The following NBPF26 variants were observed in gnomAD, a reference collection of about 807,000 sequenced individuals.
NBPF26 encodes NBPF member 26.
Under a neutral mutation model 119.6 loss-of-function variants are expected in NBPF26, and 79 were observed. That is an observed-to-expected ratio of 0.66 (90% CI 0.55 to 0.80). NBPF26 has a LOEUF of 0.80. NBPF26 is among the 30% of genes least tolerant of loss of function. The pLI, the probability that NBPF26 is intolerant of heterozygous loss-of-function variation, is 0.00. For synonymous variants in NBPF26, 299 were observed against 457.7 expected, an observed-to-expected ratio of 0.65 and a Z score of 4.43; for missense variants, 800 against 1,198.2, an observed-to-expected ratio of 0.67 and a Z score of 4.91.
At chr1:120,801,907 G>A (rs1651587403) in intron 4 of NBPF26, among the ~76,000 whole-genome samples, 1 of 106,866 alleles carries the variant, frequency 9.4e-6, no homozygotes, top group South Asian at 2.8e-4. Flanking sequence ...CATGTTGTGA[G>A]GAAATGTATT....
At position 120,811,119 on chromosome 1, in the gene NBPF26, G is replaced by T. The variant is rs1651852875; in HGVS notation, c.1564+561G>T. ...AAAAATTAGCTGGGTGTGGTGGTGG[G>T]TGCCTGTAGTCCCAGCTACTCAGGA... On this transcript the variant is annotated intron_variant, in intron 9 of 29. Transcript: ENST00000620612. 6.6e-5 allele frequency among the ~76,000 whole-genome samples: 7 copies of T among 106,446 alleles called. 2 individuals are homozygous for T. 69.8% of individuals were successfully genotyped at this position (106,446 alleles called of 152,430 possible).
At chr1:120,760,349 A>T in intron 1 of NBPF26, among the ~76,000 whole-genome samples, 1 of 109,534 alleles carries the variant, frequency 9.1e-6, no homozygotes. Flanking sequence ...TAATTTTTGT[A>T]CTTTTAGTAG....
At position 120,811,619 on chromosome 1, in the gene NBPF26, G is replaced by T. The variant is rs1191240298; in HGVS notation, c.1565-267G>T. Among the ~76,000 whole-genome samples, 2 of 113,340 alleles carry T rather than the reference G, an allele frequency of 1.8e-5. 1 individual carries two copies. Among genetic ancestry groups the T allele is most frequent in the African/African-American group, 1.0e-4 (2 of 19,752 alleles). 74.4% of individuals were successfully genotyped at this position (113,340 alleles called of 152,430 possible). ...TACACAGAAACATTGGCCACTCATG[G>T]GGTAAAAATCTCAGGGCCAAGCCTT... On this transcript the variant is annotated intron_variant, in intron 9 of 29. Transcript: ENST00000620612.
Position 120,767,461 on chromosome 1 carries a change from AC to A in NBPF26, c.155+3753del, listed in dbSNP as rs1651206795. Among the ~76,000 whole-genome samples the A allele has an allele frequency of 4.4e-5, 3 of 67,556 alleles. 1 individual carries two copies. The highest frequency in any genetic ancestry group is 3.9e-4 in the African/African-American group (3 of 7,690). 44.3% of individuals were successfully genotyped at this position (67,556 alleles called of 152,430 possible). A position where few individuals can be genotyped will look rare whatever the true frequency, so the allele number is the denominator to read the frequency against. ...ATCACATTGACAGATGAAGATAACTACTTTTGAAGATTAGTTTTGTACTCAG... is the reference window on the plus strand; with the variant it reads ...ATCACATTGACAGATGAAGATAACTATTTTGAAGATTAGTTTTGTACTCAG... On this transcript the variant is annotated intron_variant, in intron 2 of 29. Transcript: ENST00000620612.
Position 120,807,837 on chromosome 1 carries a change from C to T in NBPF26, c.1064+128C>T, listed in dbSNP as rs1409983004. Reference sequence around the variant, plus strand: ...GGCAGGAATTGCCATGGCAGGCTCGCTACACACAAATATTTATCAAACAGA... The same window carrying T: ...GGCAGGAATTGCCATGGCAGGCTCGTTACACACAAATATTTATCAAACAGA... On this transcript the variant is annotated intron_variant, in intron 6 of 29. Transcript: ENST00000620612. The T allele has an allele frequency of 6.3e-4, 336 of 530,804 alleles. 20 individuals are homozygous for T. The East Asian group carries it at 9.1e-3, about 14-fold the overall frequency. The allele number at this position is 530,804 out of a possible 1,614,324, so 32.9% of individuals were successfully genotyped here.
rs1363171239 is a variant in NBPF26, at chr1:120,791,206, C to A, written c.416-1955C>A. ...GAAAAACTCTTGTGTCTCCCATTTA[C>A]CTTTCTATGAGGTCAGAGATTTAGA... On this transcript the variant is annotated intron_variant, in intron 3 of 29. Coordinates refer to ENST00000620612, the Ensembl canonical transcript of NBPF26. Among the ~76,000 whole-genome samples the A allele has an allele frequency of 3.6e-4, 12 of 33,374 alleles. 2 individuals are homozygous for A. The South Asian group carries it at 5.9e-3, about 17-fold the overall frequency. The allele number at this position is 33,374 out of a possible 152,430, so 21.9% of individuals were successfully genotyped here.
intron 2 of NBPF26, among the ~76,000 whole-genome samples, chr1:120,767,674 G>A (rs1160286907): frequency 0.016 from 1,657 of 106,052 alleles, 553 homozygotes; most frequent in African/African-American, 0.088. Context: ...TCTTTCCCTT[G>A]TCCTACTGGG....
At position 120,823,366 on chromosome 1, in the gene NBPF26, T is replaced by A. The variant is rs1553272261; in HGVS notation, c.2639+6T>A. ...CACGAGGCAACAGGTCCCAGGTGAG[T>A]CTGAGAAATTGTGGACAGTTAATTT... On this transcript the variant is annotated splice_donor_region_variant and intron_variant, in intron 17 of 29. Coordinates refer to ENST00000620612, the Ensembl canonical transcript of NBPF26. 3.6e-6 allele frequency: 5 copies of A among 1,379,270 alleles called. 1 individual carries two copies. Among genetic ancestry groups the A allele is most frequent in the South Asian group, 1.2e-5 (1 of 82,908 alleles). The allele number at this position is 1,379,270 out of a possible 1,614,324, so 85.4% of individuals were successfully genotyped here.
At position 120,814,834 on chromosome 1, in the gene NBPF26, A is replaced by G. The variant is rs1651971546; in HGVS notation, c.1883A>G (p.Tyr628Cys). The G allele has an allele frequency of 1.9e-5, 24 of 1,261,014 alleles. 3 individuals carry two copies. Among genetic ancestry groups the G allele is most frequent in the Middle Eastern group, 2.6e-4 (1 of 3,844 alleles). The allele number at this position is 1,261,014 out of a possible 1,614,324, so 78.1% of individuals were successfully genotyped here. The change falls in exon 12 of 30, where the codon TAT becomes TGT. Residue 628 changes from tyrosine to cysteine, a missense_variant. Tyr to Cys is a radical substitution (Grantham distance 194). Coordinates refer to ENST00000620612, the Ensembl canonical transcript of NBPF26. Reference sequence around the variant, plus strand: ...TCTCTACCGTCTCACCTTAGGCAATATAAAGTCCTGGTTCACGCTCAGGAA... The same window carrying G: ...TCTCTACCGTCTCACCTTAGGCAATGTAAAGTCCTGGTTCACGCTCAGGAA...
chr1:120,823,703 C>T (rs1391905159), intron 17 of NBPF26, among the ~76,000 whole-genome samples: 1 of 117,222 alleles, frequency 8.5e-6, no homozygotes, highest in South Asian at 2.6e-4. Context: ...ACAGAGTGTC[C>T]TTTGACTCCC....
At chr1:120,769,345 C>A (rs1276326408) in intron 2 of NBPF26, among the ~76,000 whole-genome samples, 5 of 150,096 alleles carry the variant, frequency 3.3e-5, no homozygotes, top group Non-Finnish European at 5.9e-5. Context: ...TGAGTGCATT[C>A]AGGGAGGCAC....
chr1:120,775,758 T>C lies in NBPF26; in HGVS notation c.156-9216T>C, dbSNP rs1173634100. 2.6e-5 allele frequency among the ~76,000 whole-genome samples: 2 copies of C among 76,290 alleles called. 1 individual carries two copies. The highest frequency in any genetic ancestry group is 2.3e-4 in the African/African-American group (2 of 8,704). 50.0% of individuals were successfully genotyped at this position (76,290 alleles called of 152,430 possible). On this transcript the variant is annotated intron_variant, in intron 2 of 29. Coordinates refer to ENST00000620612, the Ensembl canonical transcript of NBPF26. ...GGTGGTTTATGTAGTCAGTCTTTTATCAACAACCGATGAAAGACTAATAAA... is the reference window on the plus strand; with the variant it reads ...GGTGGTTTATGTAGTCAGTCTTTTACCAACAACCGATGAAAGACTAATAAA...
intron 1 of NBPF26, among the ~76,000 whole-genome samples, chr1:120,733,170 G>GCA (rs1348492602): frequency 3.9e-5 from 4 of 103,878 alleles, no homozygotes; most frequent in Non-Finnish European, 7.1e-5. Flanking sequence ...ATATATATAT[G>GCA]CACACACACA....
Position 120,760,209 on chromosome 1 carries a change from A to G in NBPF26, c.74-3419A>G, listed in dbSNP as rs1487839256. Among the ~76,000 whole-genome samples the G allele has an allele frequency of 1.7e-3, 105 of 60,210 alleles. 23 individuals carry two copies. The highest frequency in any genetic ancestry group is 0.017 in the African/African-American group (92 of 5,420). 39.5% of individuals were successfully genotyped at this position (60,210 alleles called of 152,430 possible). ...TTTTTTTTTTTTTTTTTTTTTTGAGATGGAGTCTCTCTCTGTCACTCAGGC... is the reference window on the plus strand; with the variant it reads ...TTTTTTTTTTTTTTTTTTTTTTGAGGTGGAGTCTCTCTCTGTCACTCAGGC... On this transcript the variant is annotated intron_variant, in intron 1 of 29. Coordinates refer to ENST00000620612, the Ensembl canonical transcript of NBPF26.
chr1:120,764,139 C>T (rs1325612587), intron 2 of NBPF26, among the ~76,000 whole-genome samples: 3,492 of 110,636 alleles, frequency 0.032, 621 homozygotes, highest in African/African-American at 0.12. Flanking sequence ...CCCAGCTACT[C>T]GGGAGGCTGA....
chr1:120,812,079 C>G, exon 10 of NBPF26: 1 of 1,234,130 alleles, frequency 8.1e-7, no homozygotes, highest in South Asian at 1.3e-5. Context: ...TCCTGGCCAA[C>G]CAGCAGAACA....
Position 120,814,568 on chromosome 1 carries a change from G to T in NBPF26, c.1878-261G>T, listed in dbSNP as rs1651960681. 1.7e-5 allele frequency among the ~76,000 whole-genome samples: 2 copies of T among 120,760 alleles called. 1 individual carries two copies. Among genetic ancestry groups the T allele is most frequent in the Non-Finnish European group, 3.4e-5 (2 of 59,020 alleles). The allele number at this position is 120,760 out of a possible 152,430, so 79.2% of individuals were successfully genotyped here. A position where few individuals can be genotyped will look rare whatever the true frequency, so the allele number is the denominator to read the frequency against. On this transcript the variant is annotated intron_variant, in intron 11 of 29. Coordinates refer to ENST00000620612, the Ensembl canonical transcript of NBPF26. ...AGGATGTCTTTTTGAAAGGGAATTA[G>T]GAAGACACCTACTTTTGTTTACAGA... is the stretch of plus-strand genomic sequence containing the variant.
At chr1:120,796,008 G>A (rs1651546766) in intron 4 of NBPF26, among the ~76,000 whole-genome samples, 1 of 29,612 alleles carries the variant, frequency 3.4e-5, no homozygotes, top group East Asian at 9.7e-4. Flanking sequence ...GCTTTTCAGG[G>A]TCCCATAATC....
chr1:120,765,448 T>C lies in NBPF26; in HGVS notation c.155+1739T>C, dbSNP rs1428457114. ...TGCCTAGTACAGTGCCTGGTGTAGT[T>C]ATTGTTCAGCAATGTGTTTCTTAAA... is the stretch of plus-strand genomic sequence containing the variant. On this transcript the variant is annotated intron_variant, in intron 2 of 29. Transcript: ENST00000620612. Among the ~76,000 whole-genome samples, 29 of 63,886 alleles carry C rather than the reference T, an allele frequency of 4.5e-4. 2 individuals carry two copies. The highest frequency in any genetic ancestry group is 2.9e-3 in the South Asian group (6 of 2,048). 41.9% of individuals were successfully genotyped at this position (63,886 alleles called of 152,430 possible).
Sources: allele counts gnomAD v4.1 joint callset (sites outside exome capture counted in the v4.1 genomes callset), GRCh38; gene constraint gnomAD v4.1.1; transcripts MANE v1.5; gene names NCBI Gene and HGNC (gene_info 2026-07-23, HGNC 2026-07-21).